The following CDC26 variants were observed in gnomAD, a reference collection of about 807,000 sequenced individuals.
The protein encoded by CDC26 is anaphase-promoting complex subunit CDC26.
A neutral mutation model predicts 8.0 loss-of-function variants in CDC26; 2 were observed. The ratio of observed to expected loss-of-function variants is 0.25; its 90% CI spans 0.10 to 0.79. The LOEUF (loss-of-function observed/expected upper bound fraction) is 0.79. Among genes scored for constraint, CDC26 ranks in the 30% least tolerant of loss-of-function variants. The probability of loss-of-function intolerance (pLI) is 0.70; values close to 1 mark genes in which losing one functional copy is unlikely to be tolerated. For synonymous variants in CDC26, 19 were observed against 34.9 expected (o/e 0.55, Z 1.60); for missense variants, 68 against 106.0 (o/e 0.64, Z 1.57).
chr9:113,272,497 C>T lies in CDC26; in HGVS notation c.11G>A (p.Arg4Gln). 1.9e-6 allele frequency: 3 copies of T among 1,612,022 alleles called. No homozygotes were observed. Among genetic ancestry groups the T allele is most frequent in the Non-Finnish European group, 2.5e-6 (3 of 1,178,220 alleles). Residue 4 changes from arginine to glutamine, a missense_variant, in exon 3 of 4, where the codon CGG becomes CAG. By Grantham distance (43) the Arg-to-Gln change is conservative. Transcript: ENST00000374206. ...CTTTAGCTCTAGGCGTGTTGGTTTC[C>T]GTCTCAGCATACTGAAGTCAACACT... MLR[R>Q]KPTRLELKLD...
At chr9:113,267,548 G>A (rs1831882724) in intron 3 of CDC26, 109 bp from the exon 4 acceptor site, 4 of 1,348,138 alleles carry the variant, frequency 3.0e-6, no homozygotes, top group Non-Finnish European at 4.1e-6. Context: ...GAGTTAGGGT[G>A]TAAAGAACAA....
At position 113,275,516 on chromosome 9, in the gene CDC26, TTTCCTGGAGG is replaced by T. The variant is rs1832053662; in HGVS notation, c.-296_-287del. ...CGCAGAACCTCGTCTTCCGCGAGCTTTTCCTGGAGGTTCTAGGAGGGATGCCCCTCAATGC... is the reference window on the plus strand; with the variant it reads ...CGCAGAACCTCGTCTTCCGCGAGCTTTTCTAGGAGGGATGCCCCTCAATGC... On this transcript the variant is annotated 5_prime_UTR_variant, in exon 1 of 4. Transcript: ENST00000374206. 1.4e-5 allele frequency: 7 copies of T among 489,620 alleles called. No homozygotes were observed. In the South Asian group the frequency reaches 2.0e-4, roughly 14 times the overall value. The allele number at this position is 489,620 out of a possible 1,614,324, so 30.3% of individuals were successfully genotyped here. A position where few individuals can be genotyped will look rare whatever the true frequency, so the allele number is the denominator to read the frequency against.
chr9:113,272,609 T>G, intron 2 of CDC26, 61 bp from the exon 3 acceptor site: 2 of 805,474 alleles, frequency 2.5e-6, no homozygotes, highest in Non-Finnish European at 4.2e-6. Context: ...ATACAAAACA[T>G]AAAATCAATT....
intron 3 of CDC26, among the ~76,000 whole-genome samples, chr9:113,269,389 C>T (rs189827618): frequency 6.6e-6 from 1 of 152,158 alleles, no homozygotes; most frequent in Non-Finnish European, 1.5e-5. Context: ...AAAAGGCAAA[C>T]AACTCTATCA....
chr9:113,267,308 G>A lies in CDC26; in HGVS notation c.213C>T (p.Pro71=). The A allele has an allele frequency of 6.4e-7, 1 of 1,573,520 alleles. No individual in the cohort carries two copies. The highest frequency in any genetic ancestry group is 8.6e-7 in the Non-Finnish European group (1 of 1,158,600). Residue 71 remains proline, a synonymous_variant, in exon 4 of 4, where the codon CCC becomes CCT. Coordinates refer to ENST00000374206, the MANE Select transcript of CDC26 (RefSeq NM_139286.4). The part of the protein sequence containing the change: ...INDRIGYKPQ[P]KPNNRSSQFG... ...ATTGAGATGAACGATTATTGGGCTT[G>A]GGTTGGGGTTTATAACCAATCCGAT...
rs1169347282 is a variant in CDC26 at position 113,272,561 on chromosome 9, A to ATT, written c.-41-14_-41-13insAA. The ATT allele has an allele frequency of 4.4e-6, 6 of 1,350,742 alleles. No homozygotes were observed. The highest frequency in any genetic ancestry group is 3.6e-4 in the Middle Eastern group (2 of 5,550). The allele number at this position is 1,350,742 out of a possible 1,614,324, so 83.7% of individuals were successfully genotyped here. ...AGTGAACTATTAGCTGTTAAAAATG[A>ATT]AAGAGAGGAGGAAAATCTGAAGGTG... On this transcript the variant is annotated splice_polypyrimidine_tract_variant and intron_variant, in intron 2 of 3. Coordinates refer to ENST00000374206, the MANE Select transcript of CDC26 (RefSeq NM_139286.4).
chr9:113,273,645 T>C (rs1831993701), intron 1 of CDC26, among the ~76,000 whole-genome samples: 2 of 151,860 alleles, frequency 1.3e-5, no homozygotes, highest in Admixed American at 1.3e-4. Flanking sequence ...GAGGCTCAAG[T>C]ACAGCTTTGG....
In CDC26 at chr9:113,275,396, G is replaced by C. The variant is rs1362602079; in HGVS notation, c.-166C>G. 1 of 272,118 alleles carries C rather than the reference G, an allele frequency of 3.7e-6. No individual in the cohort carries two copies. Among genetic ancestry groups the C allele is most frequent in the Non-Finnish European group, 7.0e-6 (1 of 142,794 alleles). The allele number at this position is 272,118 out of a possible 1,614,324, so 16.9% of individuals were successfully genotyped here. On this transcript the variant is annotated 5_prime_UTR_variant, in exon 1 of 4. Coordinates refer to ENST00000374206, the MANE Select transcript of CDC26 (RefSeq NM_139286.4). ...GACTCACCTACCTCTTTTCAAGCCGGCCTAGCCCCTTCCCGGAACCTCGGC... is the reference window on the plus strand; with the variant it reads ...GACTCACCTACCTCTTTTCAAGCCGCCCTAGCCCCTTCCCGGAACCTCGGC...
rs112004332 is a variant in CDC26 at position 113,268,511 on chromosome 9, G to A, written c.82-1072C>T. On this transcript the variant is annotated intron_variant, in intron 3 of 3. Coordinates refer to ENST00000374206, the MANE Select transcript of CDC26 (RefSeq NM_139286.4). ...ACAGATGATAACTTTCTCTAAGAGAGTGAAATGATGTTTTATCCAAAGTTA... is the reference window on the plus strand; with the variant it reads ...ACAGATGATAACTTTCTCTAAGAGAATGAAATGATGTTTTATCCAAAGTTA... Among the ~76,000 whole-genome samples, 473 of 152,358 alleles carry A rather than the reference G, an allele frequency of 3.1e-3. 4 individuals are homozygous for A. The highest frequency in any genetic ancestry group is 0.011 in the African/African-American group (448 of 41,582).
intron 2 of CDC26, 144 bp downstream of exon 2, chr9:113,273,185 A>T (rs1831987308): frequency 6.6e-6 from 1 of 152,254 alleles, no homozygotes; most frequent in African/African-American, 2.4e-5. Flanking sequence ...CTAAAAGAAT[A>T]AACTATCACA....
intron 2 of CDC26, 110 bp from the exon 3 acceptor site, chr9:113,272,658 A>G (rs1831978056): frequency 1.7e-6 from 1 of 575,790 alleles, no homozygotes; most frequent in South Asian, 2.1e-5. Flanking sequence ...AATATTAAAA[A>G]TTTATTTGAA....
intron 3 of CDC26, among the ~76,000 whole-genome samples, chr9:113,271,044 T>C (rs1332807313): frequency 1.3e-5 from 2 of 151,972 alleles, no homozygotes; most frequent in Non-Finnish European, 2.9e-5. Flanking sequence ...GATGAAAAGG[T>C]ATGGGTGGAT....
At chr9:113,274,476 T>C (rs766491464) in intron 1 of CDC26, among the ~76,000 whole-genome samples, 3 of 151,780 alleles carry the variant, frequency 2.0e-5, no homozygotes, top group Admixed American at 1.3e-4. Context: ...TGCAGACAAA[T>C]GGTAGAGAAA....
At chr9:113,272,118 T>C (rs1831966930) in intron 3 of CDC26, among the ~76,000 whole-genome samples, 1 of 152,160 alleles carries the variant, frequency 6.6e-6, no homozygotes, top group South Asian at 2.1e-4. Context: ...TTCCTTAAGC[T>C]TTGAAAGTTG....
intron 1 of CDC26, among the ~76,000 whole-genome samples, chr9:113,275,119 C>G (rs1168895006): frequency 6.6e-6 from 1 of 152,164 alleles, no homozygotes. Flanking sequence ...AGCTTAATCT[C>G]CCGCCGCAGC....
chr9:113,272,778 A>G (rs916820429), intron 2 of CDC26, among the ~76,000 whole-genome samples: 1 of 151,640 alleles, frequency 6.6e-6, no homozygotes, highest in Non-Finnish European at 1.5e-5. Context: ...TACAGCCTCA[A>G]CTTCCTGGAC....
intron 3 of CDC26, among the ~76,000 whole-genome samples, chr9:113,269,063 A>T (rs895951429): frequency 1.1e-4 from 16 of 152,088 alleles, no homozygotes; most frequent in Non-Finnish European, 2.4e-4. Context: ...CCACAAAAAA[A>T]TTTAAAAATT....
Position 113,275,432 on chromosome 9 carries a change from C to G in CDC26, c.-202G>C, listed in dbSNP as rs1324197288. On this transcript the variant is annotated 5_prime_UTR_variant, in exon 1 of 4. Transcript: ENST00000374206. ...TCCCGGAACCTCGGCTCCCCCCCAA[C>G]GAAACTACTGCTAAGCCAACTGGAC... 1 of 339,784 alleles carries G rather than the reference C, an allele frequency of 2.9e-6. No individual in the cohort carries two copies. The highest frequency in any genetic ancestry group is 4.9e-5 in the Admixed American group (1 of 20,572). The allele number at this position is 339,784 out of a possible 1,614,324, so 21.0% of individuals were successfully genotyped here.
chr9:113,270,389 C>A, intron 3 of CDC26, among the ~76,000 whole-genome samples: 1 of 152,026 alleles, frequency 6.6e-6, no homozygotes, highest in Non-Finnish European at 1.5e-5. Context: ...CATATGGGGC[C>A]CCTACTATGA....
Sources: allele counts gnomAD v4.1 joint callset (sites outside exome capture counted in the v4.1 genomes callset), GRCh38; gene constraint gnomAD v4.1.1; transcripts MANE v1.5; gene names NCBI Gene and HGNC (gene_info 2026-07-23, HGNC 2026-07-21).